IL1R1: variants seen among roughly 807,000 people sequenced by gnomAD.
IL1R1 encodes interleukin 1 receptor type 1, also known as interleukin-1 receptor type 1.
Under a neutral mutation model 50.2 loss-of-function variants are expected in IL1R1, and 22 were observed. The ratio of observed to expected loss-of-function variants is 0.44; its 90% CI spans 0.31 to 0.63. IL1R1 has a LOEUF of 0.63. IL1R1 is among the 20% of genes least tolerant of loss of function. IL1R1 has a pLI of 0.07. For synonymous variants in IL1R1, 251 were observed against 236.7 expected (o/e 1.06, Z -0.55); for missense variants, 509 against 676.2 (o/e 0.75, Z 2.74).
chr2:102,150,373 T>C (rs115100299), intron 1 of IL1R1, among the ~76,000 whole-genome samples: 2,453 of 152,208 alleles, frequency 0.016, 65 homozygotes, highest in African/African-American at 0.056. Flanking sequence ...GGGCTTCTGT[T>C]GGGGGCCAAT....
chr2:102,091,946 A>G (rs1291894389), intron 1 of IL1R1, among the ~76,000 whole-genome samples: 1 of 152,178 alleles, frequency 6.6e-6, no homozygotes, highest in African/African-American at 2.4e-5. Context: ...TGTTGCTGCA[A>G]ATGACATAAA....
chr2:102,085,588 AT>A (rs1679398060), intron 1 of IL1R1, among the ~76,000 whole-genome samples: 1 of 151,234 alleles, frequency 6.6e-6, no homozygotes, highest in Admixed American at 6.6e-5. Flanking sequence ...GTTTGTATAA[AT>A]TTTCACTGAA....
intron 1 of IL1R1, among the ~76,000 whole-genome samples, chr2:102,112,785 C>T (rs1037928325): frequency 6.6e-6 from 1 of 152,072 alleles, no homozygotes; most frequent in Non-Finnish European, 1.5e-5. Flanking sequence ...GATTGAATGT[C>T]TGTGTGTCCC....
intron 6 of IL1R1, among the ~76,000 whole-genome samples, chr2:102,167,822 G>C (rs935431700): frequency 6.6e-6 from 1 of 152,144 alleles, no homozygotes; most frequent in Non-Finnish European, 1.5e-5. Context: ...TCTACTCGGA[G>C]TGAGGTAATA....
At chr2:102,089,124 C>T (rs1679551415) in intron 1 of IL1R1, among the ~76,000 whole-genome samples, 1 of 152,206 alleles carries the variant, frequency 6.6e-6, no homozygotes, top group Non-Finnish European at 1.5e-5. Flanking sequence ...TTACTTTGCA[C>T]TCACAACTTT....
chr2:102,107,265 G>T (rs1680470003), intron 1 of IL1R1, among the ~76,000 whole-genome samples: 1 of 152,036 alleles, frequency 6.6e-6, no homozygotes, highest in South Asian at 2.1e-4. Flanking sequence ...GTGATAGACT[G>T]GATTAAGAAA....
At chr2:102,090,395 AC>A (rs1265179247) in intron 1 of IL1R1, among the ~76,000 whole-genome samples, 1 of 152,122 alleles carries the variant, frequency 6.6e-6, no homozygotes, top group Non-Finnish European at 1.5e-5. Flanking sequence ...TATCTCTTCA[AC>A]TGTTGCTTCT....
At chr2:102,173,987 A>G (rs1232578932) in intron 9 of IL1R1, among the ~76,000 whole-genome samples, 1 of 152,178 alleles carries the variant, frequency 6.6e-6, no homozygotes, top group Non-Finnish European at 1.5e-5. Context: ...TTTAAATTGG[A>G]AAAGTAAATA....
Position 102,083,817 on chromosome 2 carries a change from G to A in IL1R1, c.-84+13284G>A, listed in dbSNP as rs763769735. Among the ~76,000 whole-genome samples, 5 of 151,884 alleles carry A rather than the reference G, an allele frequency of 3.3e-5. No homozygotes were observed. The East Asian group carries it at 5.8e-4, about 18-fold the overall frequency. Reference sequence around the variant, plus strand: ...AAATTAGCCAGGCATGGTGATGGGCGCCTGTAATCCCAGCTACTCAGGAGG... The same window carrying A: ...AAATTAGCCAGGCATGGTGATGGGCACCTGTAATCCCAGCTACTCAGGAGG... On this transcript the variant is annotated intron_variant, in intron 1 of 11. Transcript: ENST00000409929.
At position 102,169,886 on chromosome 2, in the gene IL1R1, A is replaced by G. The variant is rs143221114; in HGVS notation, c.721+1223A>G. Among the ~76,000 whole-genome samples, 4 of 152,202 alleles carry G rather than the reference A, an allele frequency of 2.6e-5. No homozygotes were observed. The East Asian group carries it at 7.7e-4, about 29-fold the overall frequency. On this transcript the variant is annotated intron_variant, in intron 7 of 11. Transcript: ENST00000410023. ...ATTCTCTTTCCTGTCTTTAAATTTCAGTACCACAGTTATCTTTTATATTTG... is the reference window on the plus strand; with the variant it reads ...ATTCTCTTTCCTGTCTTTAAATTTCGGTACCACAGTTATCTTTTATATTTG...
intron 1 of IL1R1, among the ~76,000 whole-genome samples, chr2:102,117,223 C>T (rs1047505985): frequency 2.6e-4 from 39 of 152,270 alleles, no homozygotes; most frequent in African/African-American, 8.9e-4. Context: ...GACCAAATAA[C>T]AACGCAAAGC....
chr2:102,165,525 T>A (rs144778310), intron 5 of IL1R1, among the ~76,000 whole-genome samples: 1 of 152,322 alleles, frequency 6.6e-6, no homozygotes, highest in Non-Finnish European at 1.5e-5. Flanking sequence ...TTTAATAAGA[T>A]GTAATTGAGA....
intron 1 of IL1R1, among the ~76,000 whole-genome samples, chr2:102,126,516 T>C (rs1389322347): frequency 6.6e-6 from 1 of 152,180 alleles, no homozygotes; most frequent in Non-Finnish European, 1.5e-5. Context: ...ATACTTTGTG[T>C]TTATATGACA....
At chr2:102,157,922 G>A (rs1166236306) in intron 3 of IL1R1, 137 bp downstream of exon 3, 7 of 640,160 alleles carry the variant, frequency 1.1e-5, no homozygotes, top group African/African-American at 1.8e-5. Context: ...CCTGGTCATA[G>A]ACCTGTACTG....
At chr2:102,156,515 A>G (rs960367465) in intron 2 of IL1R1, among the ~76,000 whole-genome samples, 1 of 148,574 alleles carries the variant, frequency 6.7e-6, no homozygotes, top group African/African-American at 2.5e-5. Context: ...ATACCTATAC[A>G]CCTTTTTTTT....
chr2:102,082,405 T>C (rs1432618766), intron 1 of IL1R1, among the ~76,000 whole-genome samples: 1 of 152,200 alleles, frequency 6.6e-6, no homozygotes, highest in Admixed American at 6.5e-5. Flanking sequence ...AAGCCAAGGA[T>C]GTATAGTGCA....
intron 2 of IL1R1, among the ~76,000 whole-genome samples, 168 bp downstream of exon 2, chr2:102,154,185 A>AT: frequency 6.6e-6 from 1 of 152,268 alleles, no homozygotes. Flanking sequence ...GTTTTATTAA[A>AT]TTTTGGAAGG....
chr2:102,088,470 TC>T (rs994625136), intron 1 of IL1R1, among the ~76,000 whole-genome samples: 1 of 152,210 alleles, frequency 6.6e-6, no homozygotes, highest in African/African-American at 2.4e-5. Flanking sequence ...CTTAAAATAT[TC>T]AGTAAACCAT....
chr2:102,141,198 T>C (rs1209978817), upstream of IL1R1, among the ~76,000 whole-genome samples: 1 of 152,186 alleles, frequency 6.6e-6, no homozygotes, highest in Non-Finnish European at 1.5e-5. Context: ...TTCACAGTAA[T>C]GGCATCACTG....
Sources: allele counts gnomAD v4.1 joint callset (sites outside exome capture counted in the v4.1 genomes callset), GRCh38; gene constraint gnomAD v4.1.1; transcripts MANE v1.5; gene names NCBI Gene and HGNC (gene_info 2026-07-23, HGNC 2026-07-21).